The following POLR2F variants were observed in gnomAD, a reference collection of about 807,000 sequenced individuals.
POLR2F encodes DNA-directed RNA polymerases I, II, and III subunit RPABC2.
Under a neutral mutation model 22.7 loss-of-function variants are expected in POLR2F, and 12 were observed. The ratio of observed to expected loss-of-function variants is 0.53; its 90% confidence interval spans 0.34 to 0.86. The LOEUF is 0.86. Ranked by LOEUF, POLR2F falls within the 40% of genes least tolerant of loss-of-function variation. POLR2F has a pLI of 0.02. For missense variants in POLR2F, 126 were observed against 171.5 expected, an observed-to-expected ratio of 0.73 and a Z score of 1.48; for synonymous variants, 57 against 66.0, an observed-to-expected ratio of 0.86 and a Z score of 0.66.
intron 5 of POLR2F, chr22:38,040,963 C>T (rs2085166336): frequency 3.8e-6 from 6 of 1,563,542 alleles, no homozygotes; most frequent in Non-Finnish European, 5.3e-6. Flanking sequence ...ATGATGACAA[C>T]AGTGACGTTG....
intron 4 of POLR2F, among the ~76,000 whole-genome samples, chr22:37,976,878 C>T (rs758773035): frequency 6.6e-6 from 1 of 152,074 alleles, no homozygotes; most frequent in Non-Finnish European, 1.5e-5. Context: ...TGGCCAGACA[C>T]GGTATCACAT....
chr22:38,033,786 C>G (rs767574681), intron 5 of POLR2F, among the ~76,000 whole-genome samples: 2 of 152,218 alleles, frequency 1.3e-5, no homozygotes, highest in Non-Finnish European at 1.5e-5. Flanking sequence ...GCCTGCCCCC[C>G]ATGTGACTCC....
Position 37,968,977 on chromosome 22 carries a change from A to T in POLR2F, c.*1262A>T, listed in dbSNP as rs997049897. The T allele has an allele frequency of 2.6e-5, 26 of 985,354 alleles. No homozygotes were observed. Among genetic ancestry groups the T allele is most frequent in the Non-Finnish European group, 3.1e-5 (26 of 829,954 alleles). 61.0% of individuals were successfully genotyped at this position (985,354 alleles called of 1,614,324 possible). A position where few individuals can be genotyped will look rare whatever the true frequency, so the allele number is the denominator to read the frequency against. ...AATCCTTTAATCAAGTTGGGTGCTG[A>T]AATTTCAGCTCTGAAATGCCGCCTT... On this transcript the variant is annotated 3_prime_UTR_variant, in exon 5 of 5. Transcript: ENST00000442738.
At chr22:37,956,707 G>T in intron 1 of POLR2F, 66 bp from the exon 2 acceptor site, 1 of 1,260,234 alleles carries the variant, frequency 7.9e-7, no homozygotes, top group East Asian at 2.3e-5. Flanking sequence ...GTGATCCACC[G>T]TGCCTGGCCC....
intron 1 of POLR2F, among the ~76,000 whole-genome samples, chr22:38,020,431 A>AT (rs753386178): frequency 0.048 from 6,172 of 128,394 alleles, 203 homozygotes; most frequent in Admixed American, 0.11. Context: ...CACCTGGCTA[A>AT]TTTTTTTTTT....
rs545888692 is a variant in POLR2F at position 38,019,834 on chromosome 22, G to T, written c.121-6035G>T. ...GTTCGAGACCAGCCTGACCAACATG[G>T]TGAAACCCCATCTCTACTAAAAATA... On this transcript the variant is annotated intron_variant, in intron 1 of 2. Transcript: ENST00000333418. 5.9e-5 allele frequency among the ~76,000 whole-genome samples: 9 copies of T among 152,292 alleles called. No individual in the cohort carries two copies. The South Asian group carries it at 1.9e-3, about 32-fold the overall frequency.
intron 1 of POLR2F, among the ~76,000 whole-genome samples, chr22:37,988,512 A>G (rs959135170): frequency 6.6e-6 from 1 of 151,642 alleles, no homozygotes; most frequent in Non-Finnish European, 1.5e-5. Context: ...TTAACTGGGC[A>G]TGGTGGCACG....
Position 38,006,176 on chromosome 22 carries a change from C to T in POLR2F, c.121-19693C>T, listed in dbSNP as rs557524280. Among the ~76,000 whole-genome samples the T allele has an allele frequency of 7.2e-5, 11 of 151,958 alleles. No homozygotes were observed. The South Asian group carries it at 1.0e-3, about 14-fold the overall frequency. On this transcript the variant is annotated intron_variant, in intron 1 of 2. Transcript: ENST00000333418. ...TGAGCCATGATGGTACCACTACATTCGAGACTGGGCAAGAGAGTGAGACCC... is the reference window on the plus strand; with the variant it reads ...TGAGCCATGATGGTACCACTACATTTGAGACTGGGCAAGAGAGTGAGACCC...
At chr22:38,036,994 A>G (rs2145836340) in intron 5 of POLR2F, among the ~76,000 whole-genome samples, 1 of 151,686 alleles carries the variant, frequency 6.6e-6, no homozygotes, top group East Asian at 1.9e-4. Context: ...CTAACATAAC[A>G]CCCCTCCCAT....
chr22:38,037,712 C>T (rs555713206), intron 5 of POLR2F, among the ~76,000 whole-genome samples: 5 of 152,128 alleles, frequency 3.3e-5, no homozygotes, highest in African/African-American at 1.2e-4. Context: ...CCAGCCTCAG[C>T]CTCCTGAGTA....
rs57938592 is a variant in POLR2F, at chr22:37,990,682, G to A, written c.120+4370G>A. ...AACAGGCAGCTGGAGCTGGGCCTCT[G>A]GACCCCAAGAGCTGGGGTCAAGACC... On this transcript the variant is annotated intron_variant, in intron 1 of 2. Transcript: ENST00000333418. 8.8e-3 allele frequency among the ~76,000 whole-genome samples: 1,338 copies of A among 152,384 alleles called. 16 individuals are homozygous for A. Among genetic ancestry groups the A allele is most frequent in the African/African-American group, 0.031 (1,286 of 41,598 alleles).
chr22:37,970,911 ATT>A (rs1932031244), downstream of POLR2F: 1 of 255,408 alleles, frequency 3.9e-6, no homozygotes, highest in South Asian at 4.4e-5. Context: ...TGCAATGGAT[ATT>A]GTCTAAAAGA....
At chr22:37,998,447 C>A (rs571502809) in intron 1 of POLR2F, among the ~76,000 whole-genome samples, 1 of 152,328 alleles carries the variant, frequency 6.6e-6, no homozygotes, top group Non-Finnish European at 1.5e-5. Context: ...TACATCTGGA[C>A]AGGCCTTCTG....
intron 1 of POLR2F, among the ~76,000 whole-genome samples, chr22:38,020,602 T>G (rs1448475378): frequency 6.6e-6 from 1 of 151,334 alleles, no homozygotes; most frequent in Non-Finnish European, 1.5e-5. Flanking sequence ...TTTAGCTAAG[T>G]GTGGTGATGC....
chr22:38,037,248 C>CTTATGTTATGTTATGTTATGTTATG (rs147610006), intron 5 of POLR2F, among the ~76,000 whole-genome samples: 55 of 149,512 alleles, frequency 3.7e-4, no homozygotes, highest in African/African-American at 1.1e-3. Flanking sequence ...AATGAGCAAC[C>CTTATGTTATGTTATGTTATGTTATG]TTATGTTATG....
At chr22:37,972,463 G>T (rs1932089047), downstream of POLR2F, 1 of 346,140 alleles carries the variant, frequency 2.9e-6, no homozygotes. Context: ...GAAAATAGGG[G>T]CAGATATAGC....
At chr22:37,973,708 G>T (rs1932130668), downstream of POLR2F, 1 of 1,607,170 alleles carries the variant, frequency 6.2e-7, no homozygotes, top group Non-Finnish European at 8.5e-7. Flanking sequence ...ACTGGGGGCG[G>T]GAGATGGAGG....
At chr22:38,013,113 C>A (rs923877317) in intron 1 of POLR2F, among the ~76,000 whole-genome samples, 4 of 150,838 alleles carry the variant, frequency 2.7e-5, no homozygotes, top group African/African-American at 9.8e-5. Context: ...TCCTTCCCTT[C>A]CTTCCCTTCC....
At position 37,968,807 on chromosome 22, in the gene POLR2F, AG is replaced by A. The variant is rs2145753032; in HGVS notation, c.*1094del. On this transcript the variant is annotated 3_prime_UTR_variant, in exon 5 of 5. Coordinates refer to ENST00000442738, the MANE Select transcript of POLR2F (RefSeq NM_021974.5). ...TGCAGGAGGCAGGGCCTCCAGGCCT[AG>A]GTGCAGCCTGGCCCTGGGATGGGAT... The A allele has an allele frequency of 1.0e-6, 1 of 985,484 alleles. No homozygotes were observed. The highest frequency in any genetic ancestry group is 1.1e-4 in the East Asian group (1 of 8,814). 61.0% of individuals were successfully genotyped at this position (985,484 alleles called of 1,614,324 possible). A position where few individuals can be genotyped will look rare whatever the true frequency, so the allele number is the denominator to read the frequency against.
Sources: gnomAD v4.1 joint callset for allele counts (sites outside exome capture counted in the v4.1 genomes callset) on GRCh38, gnomAD v4.1.1 for gene constraint, MANE v1.5 for transcripts, NCBI Gene and HGNC (gene_info 2026-07-23, HGNC 2026-07-21) for gene names.